The following VEPH1 variants were observed in gnomAD, a reference collection of about 807,000 sequenced individuals.
VEPH1 encodes the protein ventricular zone-expressed PH domain-containing protein homolog 1.
A neutral mutation model predicts 85.2 loss-of-function variants in VEPH1; 80 were observed. The observed-to-expected ratio is 0.94, with a 90% CI of 0.78 to 1.13. The LOEUF (loss-of-function observed/expected upper bound fraction) is 1.13. Among genes scored for constraint, VEPH1 ranks in the 50% most tolerant of loss-of-function variants. The pLI, the probability that VEPH1 is intolerant of heterozygous loss-of-function variation, is 0.00. For synonymous variants in VEPH1, 297 were observed against 348.0 expected (o/e 0.85, Z 1.63); for missense variants, 955 against 980.5 (o/e 0.97, Z 0.35).
At chr3:157,317,687 G>A (rs979106057) in intron 9 of VEPH1, among the ~76,000 whole-genome samples, 4 of 152,124 alleles carry the variant, frequency 2.6e-5, no homozygotes, top group Admixed American at 1.3e-4. Context: ...TGTACTGGTC[G>A]GGTTTGAAAA....
intron 6 of VEPH1, among the ~76,000 whole-genome samples, chr3:157,409,194 T>C (rs147200772): frequency 3.9e-5 from 6 of 152,256 alleles, no homozygotes; most frequent in Non-Finnish European, 1.5e-5. Flanking sequence ...TAAGAAGTCA[T>C]TTCTGCTCTT....
In VEPH1 at chr3:157,381,212, G is replaced by A. The variant is rs145280962; in HGVS notation, c.1071C>T (p.Thr357=). 5.4e-5 allele frequency: 87 copies of A among 1,613,962 alleles called. No homozygotes were observed. The African/African-American group carries it at 6.5e-4, about 12-fold the overall frequency. ...RDIFRMSNSF[T]AIAKLLTRQL... ...GTCGGGTAAGGAGTTTAGCAATGGC[G>A]GTGAAGCTGTTGCTCATGCGGAAGA... The change falls in exon 7 of 14, where the codon ACC becomes ACT. Residue 357 remains threonine (T), a synonymous_variant. Transcript: ENST00000362010.
chr3:157,425,960 G>A (rs1397875183), intron 5 of VEPH1, among the ~76,000 whole-genome samples: 1 of 152,144 alleles, frequency 6.6e-6, no homozygotes, highest in East Asian at 1.9e-4. Flanking sequence ...TGTTCTCATG[G>A]TAGTGAATAA....
At chr3:157,280,419 T>C (rs1715953430) in intron 12 of VEPH1, among the ~76,000 whole-genome samples, 1 of 152,170 alleles carries the variant, frequency 6.6e-6, no homozygotes, top group Non-Finnish European at 1.5e-5. Context: ...TCTGACACTT[T>C]TCCTCTGTAT....
At chr3:157,447,447 G>A (rs555794222) in intron 4 of VEPH1, among the ~76,000 whole-genome samples, 1 of 152,224 alleles carries the variant, frequency 6.6e-6, no homozygotes, top group Non-Finnish European at 1.5e-5. Context: ...TAGAATATTT[G>A]ATTAATAAAT....
chr3:157,379,149 T>G (rs1340146930), intron 7 of VEPH1, among the ~76,000 whole-genome samples: 2 of 152,234 alleles, frequency 1.3e-5, no homozygotes, highest in Non-Finnish European at 2.9e-5. Flanking sequence ...CCATGTTGCT[T>G]ACAGAACAAA....
chr3:157,390,556 A>G (rs552452710), intron 6 of VEPH1, among the ~76,000 whole-genome samples: 2 of 152,342 alleles, frequency 1.3e-5, no homozygotes, highest in African/African-American at 4.8e-5. Flanking sequence ...ATGGCAGATT[A>G]GAGGATTTTC....
Position 157,393,884 on chromosome 3 carries a change from G to A in VEPH1, c.907-12508C>T, listed in dbSNP as rs564153786. On this transcript the variant is annotated intron_variant, in intron 6 of 13. Coordinates refer to ENST00000362010, the MANE Select transcript of VEPH1 (RefSeq NM_001167912.2). ...CTATTGGAAGACTTTTGTTACCTCC[G>A]GTTTTGTTGTTTGTTCAGAGCTTGA... Among the ~76,000 whole-genome samples, 36 of 152,134 alleles carry A rather than the reference G, an allele frequency of 2.4e-4. 1 individual carries two copies. Among genetic ancestry groups the A allele is most frequent in the Admixed American group, 1.5e-3 (23 of 15,270 alleles).
At chr3:157,443,504 A>G (rs1734303211) in intron 4 of VEPH1, 1 of 153,060 alleles carries the variant, frequency 6.5e-6, no homozygotes. Flanking sequence ...AGATAGTCAT[A>G]TAAGTTATAT....
chr3:157,439,424 C>T (rs139570335), intron 4 of VEPH1, among the ~76,000 whole-genome samples: 150 of 152,286 alleles, frequency 9.8e-4, no homozygotes, highest in African/African-American at 3.5e-3. Context: ...TTGTTAGCCT[C>T]CTAAGAACCT....
At chr3:157,379,237 A>G (rs2108854464) in intron 7 of VEPH1, among the ~76,000 whole-genome samples, 1 of 152,218 alleles carries the variant, frequency 6.6e-6, no homozygotes, top group Non-Finnish European at 1.5e-5. Context: ...TTCCTGCCCT[A>G]CTGAACAAAT....
At chr3:157,418,895 A>G (rs1179878516) in intron 5 of VEPH1, among the ~76,000 whole-genome samples, 1 of 152,214 alleles carries the variant, frequency 6.6e-6, no homozygotes, top group East Asian at 1.9e-4. Flanking sequence ...CAAAAAGAAT[A>G]AAACTGGAGG....
At chr3:157,350,448 A>C (rs1219332340) in intron 9 of VEPH1, among the ~76,000 whole-genome samples, 1 of 152,186 alleles carries the variant, frequency 6.6e-6, no homozygotes, top group Non-Finnish European at 1.5e-5. Context: ...GCTTCAAAAC[A>C]CTTGTCTGGG....
chr3:157,267,110 T>TC (rs1713781844), intron 12 of VEPH1, among the ~76,000 whole-genome samples: 1 of 148,848 alleles, frequency 6.7e-6, no homozygotes, highest in Non-Finnish European at 1.5e-5. Flanking sequence ...TTCTTTTTTT[T>TC]TTTTTTTTGA....
intron 4 of VEPH1, among the ~76,000 whole-genome samples, chr3:157,432,867 T>C (rs1337364524): frequency 6.6e-6 from 1 of 152,166 alleles, no homozygotes; most frequent in Non-Finnish European, 1.5e-5. Flanking sequence ...CTGAGTCTTC[T>C]CATTTAAGGA....
intron 2 of VEPH1, among the ~76,000 whole-genome samples, chr3:157,480,472 T>C (rs1370238478): frequency 6.6e-6 from 1 of 152,050 alleles, no homozygotes; most frequent in African/African-American, 2.4e-5. Flanking sequence ...CTTTCTCTAG[T>C]CTCCAGTGTC....
At chr3:157,358,575 A>G (rs1438057132) in intron 9 of VEPH1, among the ~76,000 whole-genome samples, 1 of 152,162 alleles carries the variant, frequency 6.6e-6, no homozygotes, top group Non-Finnish European at 1.5e-5. Context: ...CATCCCCCAG[A>G]TGGGACCAAC....
chr3:157,264,364 T>C lies in VEPH1; in HGVS notation c.2265+1162A>G, dbSNP rs143200993. Among the ~76,000 whole-genome samples, 641 of 152,316 alleles carry C rather than the reference T, an allele frequency of 4.2e-3. 6 individuals carry two copies. The highest frequency in any genetic ancestry group is 0.015 in the African/African-American group (613 of 41,564). On this transcript the variant is annotated intron_variant, in intron 13 of 13. Transcript: ENST00000362010. Reference sequence around the variant, plus strand: ...GACTGAATTACACCACCAGTTTTCCTGGTTCTCCAGCTTGCACACAGCATA... The same window carrying C: ...GACTGAATTACACCACCAGTTTTCCCGGTTCTCCAGCTTGCACACAGCATA...
Position 157,460,167 on chromosome 3 carries a change from C to A in VEPH1, c.529+14G>T. ...TCCCAAAACATGTCCCCAAGCTCAA[C>A]TTTCGCACCATACCTTGGAGTATGC... On this transcript the variant is annotated intron_variant, in intron 4 of 13. Transcript: ENST00000362010. 1.1e-5 allele frequency: 17 copies of A among 1,614,216 alleles called. No individual in the cohort carries two copies. The highest frequency in any genetic ancestry group is 1.4e-5 in the Non-Finnish European group (16 of 1,180,024).
Sources: allele counts gnomAD v4.1 joint callset (sites outside exome capture counted in the v4.1 genomes callset), GRCh38; gene constraint gnomAD v4.1.1; transcripts MANE v1.5; gene names NCBI Gene and HGNC (gene_info 2026-07-23, HGNC 2026-07-21).